Variants in CHRDL2 observed in about 807,000 individuals in gnomAD.
The protein encoded by CHRDL2 is chordin like 2, also known as chordin-like protein 2.
CHRDL2 carries 41 observed loss-of-function variants against 54.3 expected under a neutral mutation model. That is an observed-to-expected ratio of 0.76 (90% confidence interval 0.59 to 0.98). CHRDL2 has a LOEUF of 0.98. Ranked by LOEUF, CHRDL2 falls within the 50% of genes least tolerant of loss-of-function variation. The pLI is 0.00. For synonymous variants in CHRDL2, 220 were observed against 224.3 expected, an observed-to-expected ratio of 0.98 and a Z score of 0.17; for missense variants, 518 against 562.4, an observed-to-expected ratio of 0.92 and a Z score of 0.80.
At chr11:74,705,541 A>G (rs2033983180) in intron 6 of CHRDL2, among the ~76,000 whole-genome samples, 1 of 152,074 alleles carries the variant, frequency 6.6e-6, no homozygotes, top group Non-Finnish European at 1.5e-5. Flanking sequence ...CTCCTGGGAG[A>G]TGTGTGTTGA....
chr11:74,726,072 C>T (rs1271085674), intron 1 of CHRDL2, among the ~76,000 whole-genome samples: 1 of 152,148 alleles, frequency 6.6e-6, no homozygotes, highest in African/African-American at 2.4e-5. Context: ...CTGAACCTGA[C>T]TTTTCCCTCT....
chr11:74,713,814 T>C (rs1406723259), intron 2 of CHRDL2, among the ~76,000 whole-genome samples: 1 of 152,176 alleles, frequency 6.6e-6, no homozygotes, highest in Non-Finnish European at 1.5e-5. Flanking sequence ...ATTTTAACTC[T>C]AGGGCTTGGT....
intron 1 of CHRDL2, among the ~76,000 whole-genome samples, chr11:74,727,424 C>T (rs2034589410): frequency 6.6e-6 from 1 of 152,102 alleles, no homozygotes; most frequent in South Asian, 2.1e-4. Flanking sequence ...GTTTTTTTCT[C>T]AGCAGGGTCT....
At chr11:74,720,010 C>G (rs1565158039) in intron 1 of CHRDL2, among the ~76,000 whole-genome samples, 6 of 152,190 alleles carry the variant, frequency 3.9e-5, no homozygotes, top group Non-Finnish European at 1.5e-5. Context: ...TGCCTGAGCT[C>G]TTTTCAGGAG....
At position 74,708,310 on chromosome 11, in the gene CHRDL2, G is replaced by T; in HGVS notation, c.518C>A (p.Ala173Asp). 6.3e-7 allele frequency: 1 copy of T among 1,579,504 alleles called. No individual in the cohort carries two copies. The highest frequency in any genetic ancestry group is 8.6e-7 in the Non-Finnish European group (1 of 1,166,560). Reference sequence around the variant, plus strand: ...TGGAGGGACAGACTCACCTTTGCAGGCCTGGCAGCAGGAGTCTGGCAGCGG... The same window carrying T: ...TGGAGGGACAGACTCACCTTTGCAGTCCTGGCAGCAGGAGTCTGGCAGCGG... ...PLPLPDSCCQ[A>D]CKDEASEQSD... Residue 173 changes from alanine (A) to aspartate (D), a missense_variant, in exon 5 of 11, where the codon GCC (alanine) becomes GAC (aspartate). Transcript: ENST00000376332.
chr11:74,708,356 G>C lies in CHRDL2; in HGVS notation c.472C>G (p.Pro158Ala), dbSNP rs751746642. The C allele has an allele frequency of 6.3e-7, 1 of 1,589,812 alleles. No homozygotes were observed. The highest frequency in any genetic ancestry group is 8.5e-7 in the Non-Finnish European group (1 of 1,170,958). Residue 158 changes from proline (P) to alanine (A), a missense_variant, in exon 5 of 11, where the codon CCA (proline) becomes GCA (alanine). Transcript: ENST00000376332. ...IYCGLTTCPE[P>A]GCPAPLPLPD... ...AGCGGGAGGGGTGCTGGGCAGCCTGGTTCGGGGCAGGTTGTGAGGCCGCAG... is the reference window on the plus strand; with the variant it reads ...AGCGGGAGGGGTGCTGGGCAGCCTGCTTCGGGGCAGGTTGTGAGGCCGCAG...
intron 9 of CHRDL2, chr11:74,701,377 T>A (rs1240486580): frequency 2.3e-6 from 1 of 440,316 alleles, no homozygotes; most frequent in Non-Finnish European, 4.1e-6. Context: ...TGTTTGACTC[T>A]TGCGGTCACT....
At chr11:74,719,718 T>C (rs1441350554) in intron 1 of CHRDL2, among the ~76,000 whole-genome samples, 1 of 152,242 alleles carries the variant, frequency 6.6e-6, no homozygotes, top group Admixed American at 6.5e-5. Context: ...TGTCAATATC[T>C]GGATGAATGC....
At chr11:74,721,334 G>A (rs940539108) in intron 1 of CHRDL2, among the ~76,000 whole-genome samples, 6 of 152,236 alleles carry the variant, frequency 3.9e-5, no homozygotes, top group African/African-American at 7.2e-5. Flanking sequence ...GGGCAGCCCT[G>A]TAGCCCAGGT....
intron 10 of CHRDL2, 95 bp downstream of exon 10, chr11:74,697,110 C>T (rs571381880): frequency 2.1e-6 from 2 of 942,460 alleles, no homozygotes; most frequent in East Asian, 4.8e-5. Flanking sequence ...AGCCCCTCCT[C>T]CCGGCACCAG....
At chr11:74,723,390 G>A (rs2034526603) in intron 1 of CHRDL2, among the ~76,000 whole-genome samples, 1 of 152,184 alleles carries the variant, frequency 6.6e-6, no homozygotes, top group Admixed American at 6.5e-5. Context: ...TGAAACCACA[G>A]TTTGTACTGA....
chr11:74,702,821 C>G lies in CHRDL2; in HGVS notation c.1093G>C (p.Glu365Gln), dbSNP rs1219497817. ...TTTACCAGCTTCCAGAGGTAGATCT[C>G]CACCAAGTCCGAGGCCTCGTGTTCC... The part of the protein sequence containing the change: ...ALEHEASDLV[E>Q]IYLWKLVKGI... Residue 365 changes from glutamate to glutamine, a missense_variant, in exon 9 of 11, where the codon GAG becomes CAG. Glu to Gln is a conservative substitution (Grantham distance 29, BLOSUM62 2). Transcript: ENST00000376332. 6 of 1,613,970 alleles carry G rather than the reference C, an allele frequency of 3.7e-6. No homozygotes were observed. The Admixed American group carries it at 8.3e-5, about 22-fold the overall frequency.
intron 9 of CHRDL2, chr11:74,699,425 C>A (rs2033726374): frequency 6.6e-6 from 1 of 152,326 alleles, no homozygotes; most frequent in Admixed American, 6.5e-5. Context: ...CACCAATGGG[C>A]AAGTCCAGGG....
intron 9 of CHRDL2, chr11:74,701,517 G>A (rs1270370882): frequency 1.5e-6 from 1 of 684,156 alleles, no homozygotes; most frequent in African/African-American, 1.8e-5. Flanking sequence ...CCTACGACAG[G>A]GGGCAGAGTA....
intron 2 of CHRDL2, among the ~76,000 whole-genome samples, chr11:74,714,524 G>A (rs2034290303): frequency 2.0e-5 from 3 of 152,170 alleles, no homozygotes; most frequent in Non-Finnish European, 4.4e-5. Context: ...TTGCCCCATG[G>A]AAGACCCTTG....
rs189918462 is a variant in CHRDL2 at position 74,703,342 on chromosome 11, G to A, written c.909C>T (p.Pro303=). The A allele has an allele frequency of 1.8e-4, 287 of 1,611,754 alleles. No individual in the cohort carries two copies. Among genetic ancestry groups the A allele is most frequent in the African/African-American group, 8.0e-4 (60 of 74,952 alleles). The part of the protein sequence containing the change: ...TCPTEYPCRH[P]EKVAGKCCKI... ...TGCAGCACTTCCCAGCCACTTTCTC[G>A]GGGTGACGGCAGGGGTACTCGGTGG... The change falls in exon 8 of 11, where the codon CCC becomes CCT. Residue 303 remains proline (P), a synonymous_variant. Transcript: ENST00000376332.
Position 74,730,795 on chromosome 11 carries a change from C to A in CHRDL2, c.82+12G>T. On this transcript the variant is annotated intron_variant, in intron 1 of 10. Transcript: ENST00000376332. ...TCCCTCCTCTGCCCACCCAGCCTCC[C>A]GGTCTACTTACGGGCTCGAGCGTGG... The A allele has an allele frequency of 6.2e-7, 1 of 1,604,734 alleles. No individual in the cohort carries two copies. Among genetic ancestry groups the A allele is most frequent in the Non-Finnish European group, 8.5e-7 (1 of 1,176,122 alleles).
At chr11:74,697,392 A>G (rs538595082) in intron 9 of CHRDL2, 95 bp from the exon 10 acceptor site, 1 of 800,828 alleles carries the variant, frequency 1.2e-6, no homozygotes, top group Non-Finnish European at 2.1e-6. Context: ...GGACCCAATC[A>G]CTCCCTCCCC....
intron 2 of CHRDL2, among the ~76,000 whole-genome samples, chr11:74,716,139 A>G (rs2034344418): frequency 6.6e-6 from 1 of 152,222 alleles, no homozygotes; most frequent in Admixed American, 6.5e-5. Flanking sequence ...GATCTGAGGG[A>G]AGAACATTCC....
Sources: allele counts gnomAD v4.1 joint callset (sites outside exome capture counted in the v4.1 genomes callset), GRCh38; gene constraint gnomAD v4.1.1; transcripts MANE v1.5; gene names NCBI Gene and HGNC (gene_info 2026-07-23, HGNC 2026-07-21).